The following GNG12 variants were observed in gnomAD, a reference collection of about 807,000 sequenced individuals.
GNG12 encodes the protein guanine nucleotide-binding protein G(I)/G(S)/G(O) subunit gamma-12.
For synonymous variants in GNG12, 28 were observed against 29.7 expected, an observed-to-expected ratio of 0.94 and a Z score of 0.19; for missense variants, 69 against 83.8, an observed-to-expected ratio of 0.82 and a Z score of 0.69.
intron 2 of GNG12, among the ~76,000 whole-genome samples, chr1:67,718,145 G>A (rs1467794923): frequency 6.6e-6 from 1 of 152,090 alleles, no homozygotes; most frequent in Non-Finnish European, 1.5e-5. Flanking sequence ...GTAAATGACA[G>A]CCTGTTTAAT....
At chr1:67,803,936 A>C (rs1043233910) in intron 1 of GNG12, among the ~76,000 whole-genome samples, 1 of 152,244 alleles carries the variant, frequency 6.6e-6, no homozygotes, top group African/African-American at 2.4e-5. Context: ...TGAAGCAAAA[A>C]ACACGCAACT....
intron 2 of GNG12, among the ~76,000 whole-genome samples, chr1:67,774,343 A>AT (rs1278729131): frequency 2.0e-5 from 3 of 151,994 alleles, no homozygotes; most frequent in Non-Finnish European, 4.4e-5. Context: ...TCCCTTACTT[A>AT]TTTTTCTTAA....
At chr1:67,817,167 T>C (rs971943259) in intron 1 of GNG12, among the ~76,000 whole-genome samples, 4 of 152,166 alleles carry the variant, frequency 2.6e-5, no homozygotes, top group Admixed American at 2.0e-4. Context: ...TAATAATTAG[T>C]ATGATGGCTG....
intron 2 of GNG12, among the ~76,000 whole-genome samples, chr1:67,713,979 C>T (rs2100679053): frequency 1.3e-5 from 2 of 152,304 alleles, no homozygotes; most frequent in South Asian, 4.1e-4. Flanking sequence ...ACTGAGTAGG[C>T]AGAGTTAGGT....
chr1:67,743,422 A>AAAT lies in GNG12; in HGVS notation c.-27+34033_-27+34035dup, dbSNP rs545843118. On this transcript the variant is annotated intron_variant, in intron 2 of 3. Transcript: ENST00000370982. ...AAAACTGCATCTAACCTCATAGCAT[A>AAAT]AATGTCTCCATACAGCAAATGACAG... Among the ~76,000 whole-genome samples the AAAT allele has an allele frequency of 6.6e-5, 10 of 152,364 alleles. No homozygotes were observed. In the East Asian group the frequency reaches 1.7e-3, roughly 26 times the overall value.
intron 1 of GNG12, among the ~76,000 whole-genome samples, chr1:67,812,028 G>A (rs1010566827): frequency 1.3e-5 from 2 of 152,190 alleles, no homozygotes; most frequent in African/African-American, 4.8e-5. Flanking sequence ...GAAAAGGGAT[G>A]TGCTTTGGGT....
chr1:67,828,408 G>A (rs1647022967), intron 1 of GNG12, among the ~76,000 whole-genome samples: 1 of 152,174 alleles, frequency 6.6e-6, no homozygotes, highest in Admixed American at 6.5e-5. Context: ...TCCGTGCAGA[G>A]GGCATGAGAT....
chr1:67,804,568 C>A (rs1487091855), intron 1 of GNG12, among the ~76,000 whole-genome samples: 1 of 151,994 alleles, frequency 6.6e-6, no homozygotes, highest in East Asian at 1.9e-4. Context: ...CTCCTAACAA[C>A]TAAAAAGCTG....
chr1:67,782,836 T>C (rs1243835386), intron 1 of GNG12, among the ~76,000 whole-genome samples: 1 of 152,218 alleles, frequency 6.6e-6, no homozygotes, highest in East Asian at 1.9e-4. Flanking sequence ...TTTACCCATA[T>C]TTCCAGCAGT....
chr1:67,800,955 A>T (rs1009672586), intron 1 of GNG12, among the ~76,000 whole-genome samples: 1 of 152,130 alleles, frequency 6.6e-6, no homozygotes, highest in South Asian at 2.1e-4. Context: ...ATGTAACTTC[A>T]TATTATGGAG....
At chr1:67,758,997 T>G (rs1646586560) in intron 2 of GNG12, among the ~76,000 whole-genome samples, 1 of 152,126 alleles carries the variant, frequency 6.6e-6, no homozygotes, top group Non-Finnish European at 1.5e-5. Flanking sequence ...TCAACAACAA[T>G]TTATTGTATA....
intron 1 of GNG12, among the ~76,000 whole-genome samples, chr1:67,809,836 G>A (rs1006848041): frequency 2.6e-5 from 4 of 152,076 alleles, no homozygotes; most frequent in African/African-American, 4.8e-5. Flanking sequence ...ACGCAAAATG[G>A]TACATCCACT....
At chr1:67,712,003 C>T (rs949426837) in intron 2 of GNG12, among the ~76,000 whole-genome samples, 1 of 152,222 alleles carries the variant, frequency 6.6e-6, no homozygotes, top group South Asian at 2.1e-4. Context: ...TGTGTGATCC[C>T]TGAGAGGCAG....
Position 67,827,587 on chromosome 1 carries a change from G to A in GNG12, c.-77+5757C>T, listed in dbSNP as rs995745278. Among the ~76,000 whole-genome samples, 7 of 152,124 alleles carry A rather than the reference G, an allele frequency of 4.6e-5. 1 individual carries two copies. Among genetic ancestry groups the A allele is most frequent in the South Asian group, 4.2e-4 (2 of 4,818 alleles). ...ACTACAGGCGACCGCCACCACGCCC[G>A]GCTAATTTTTTGTATTTTTAGTAGA... On this transcript the variant is annotated intron_variant, in intron 1 of 3. Transcript: ENST00000370982.
intron 2 of GNG12, among the ~76,000 whole-genome samples, chr1:67,729,387 TTC>T (rs1036847819): frequency 6.6e-6 from 1 of 152,210 alleles, no homozygotes; most frequent in Non-Finnish European, 1.5e-5. Flanking sequence ...TGGACTCAGC[TTC>T]TCTCTCTTTC....
At chr1:67,803,121 T>C (rs1482331606) in intron 1 of GNG12, among the ~76,000 whole-genome samples, 2 of 152,290 alleles carry the variant, frequency 1.3e-5, no homozygotes, top group Non-Finnish European at 2.9e-5. Flanking sequence ...AAGTAAAACA[T>C]TTCTTAGATT....
At chr1:67,742,576 AATGAC>A (rs1646488532) in intron 2 of GNG12, among the ~76,000 whole-genome samples, 1 of 152,150 alleles carries the variant, frequency 6.6e-6, no homozygotes, top group South Asian at 2.1e-4. Context: ...GGGGGCCTGA[AATGAC>A]AGGTAGGGTC....
chr1:67,737,004 A>C (rs893238507), intron 2 of GNG12, among the ~76,000 whole-genome samples: 3 of 152,046 alleles, frequency 2.0e-5, no homozygotes, highest in South Asian at 4.2e-4. Context: ...ATAGGTACTA[A>C]AGTTGTGCAG....
At chr1:67,722,092 TAGG>T (rs754404477) in intron 2 of GNG12, among the ~76,000 whole-genome samples, 1 of 151,918 alleles carries the variant, frequency 6.6e-6, no homozygotes, top group Non-Finnish European at 1.5e-5. Flanking sequence ...GCTAAGCAAA[TAGG>T]AGCTCACCCA....
Sources: allele counts gnomAD v4.1 joint callset (sites outside exome capture counted in the v4.1 genomes callset), GRCh38; gene constraint gnomAD v4.1.1; transcripts MANE v1.5; gene names NCBI Gene and HGNC (gene_info 2026-07-23, HGNC 2026-07-21).